Variants in SLC9A9 observed in about 807,000 individuals in gnomAD.
SLC9A9 encodes the protein sodium/hydrogen exchanger 9.
Under a neutral mutation model 77.8 loss-of-function variants are expected in SLC9A9, and 62 were observed. That is an observed-to-expected ratio of 0.80 (90% CI 0.65 to 0.98). The LOEUF (loss-of-function observed/expected upper bound fraction) is 0.98, where lower values mean the gene tolerates loss of function less well. Among genes scored for constraint, SLC9A9 ranks in the 50% least tolerant of loss-of-function variants. SLC9A9 has a pLI of 0.00. For synonymous variants in SLC9A9, 320 were observed against 283.5 expected (o/e 1.13, Z -1.29); for missense variants, 775 against 774.9 (o/e 1.00, Z 0.00).
chr3:143,736,424 C>T (rs73871643), intron 4 of SLC9A9, among the ~76,000 whole-genome samples: 1 of 152,146 alleles, frequency 6.6e-6, no homozygotes, highest in African/African-American at 2.4e-5. Flanking sequence ...ACATAGCAGT[C>T]ACTATTTTAG....
chr3:143,289,525 C>T (rs775112918), intron 14 of SLC9A9, among the ~76,000 whole-genome samples: 1 of 152,158 alleles, frequency 6.6e-6, no homozygotes, highest in Non-Finnish European at 1.5e-5. Context: ...TGCCCCCTGT[C>T]TCATTGAACA....
At chr3:143,344,525 T>C (rs543456425) in intron 14 of SLC9A9, 1 of 152,340 alleles carries the variant, frequency 6.6e-6, no homozygotes. Flanking sequence ...CAAAATTTTA[T>C]GATGAGAAAA....
In SLC9A9 at chr3:143,593,382, T is replaced by G. The variant is rs573409299; in HGVS notation, c.756-14659A>C. Among the ~76,000 whole-genome samples, 7 of 152,372 alleles carry G rather than the reference T, an allele frequency of 4.6e-5. No homozygotes were observed. The South Asian group carries it at 1.2e-3, about 27-fold the overall frequency. The stretch of plus-strand genomic sequence containing the variant: ...TAAGCTACCAGCTAGTGGGTACTGT[T>G]GTACTATACTCCCCAGGTGGAACCA... On this transcript the variant is annotated intron_variant, in intron 6 of 15. Coordinates refer to ENST00000316549, the MANE Select transcript of SLC9A9 (RefSeq NM_173653.4).
At chr3:143,457,067 G>A (rs1272512257) in intron 12 of SLC9A9, among the ~76,000 whole-genome samples, 1 of 152,082 alleles carries the variant, frequency 6.6e-6, no homozygotes, top group South Asian at 2.1e-4. Flanking sequence ...TGTTGCCAAG[G>A]CTGGAGTGCA....
At chr3:143,567,146 G>C (rs1468777647) in intron 8 of SLC9A9, among the ~76,000 whole-genome samples, 1 of 151,934 alleles carries the variant, frequency 6.6e-6, no homozygotes, top group East Asian at 1.9e-4. Flanking sequence ...AATTCCTTAG[G>C]GTCATGTATT....
intron 8 of SLC9A9, among the ~76,000 whole-genome samples, chr3:143,564,522 T>C (rs2037137216): frequency 6.6e-6 from 1 of 152,146 alleles, no homozygotes; most frequent in Non-Finnish European, 1.5e-5. Flanking sequence ...TATTTATTTT[T>C]GATCTAGTAA....
intron 9 of SLC9A9, among the ~76,000 whole-genome samples, chr3:143,522,045 AGTT>A (rs2036309321): frequency 1.3e-5 from 2 of 152,150 alleles, no homozygotes; most frequent in Non-Finnish European, 2.9e-5. Context: ...TGTTTTAGCC[AGTT>A]GTTCCAAGAA....
At chr3:143,339,533 C>CA (rs557906447) in intron 14 of SLC9A9, among the ~76,000 whole-genome samples, 1 of 149,106 alleles carries the variant, frequency 6.7e-6, no homozygotes, top group Non-Finnish European at 1.5e-5. Context: ...CATTCCCCCC[C>CA]TTCTACACTG....
chr3:143,304,063 G>A (rs1578277484), intron 14 of SLC9A9, among the ~76,000 whole-genome samples: 1 of 152,278 alleles, frequency 6.6e-6, no homozygotes, highest in African/African-American at 2.4e-5. Context: ...AGACCTTTGT[G>A]GGAAGATGGC....
chr3:143,821,748 A>G, intron 2 of SLC9A9, among the ~76,000 whole-genome samples: 1 of 152,238 alleles, frequency 6.6e-6, no homozygotes, highest in Non-Finnish European at 1.5e-5. Flanking sequence ...CAACAGGCTC[A>G]CAAAGTTGTT....
chr3:143,310,765 GT>G (rs2030989168), intron 14 of SLC9A9, among the ~76,000 whole-genome samples: 1 of 152,200 alleles, frequency 6.6e-6, no homozygotes, highest in Non-Finnish European at 1.5e-5. Flanking sequence ...AAAAGATTAT[GT>G]TTATGGGGCC....
At chr3:143,277,374 C>T (rs567281181) in intron 14 of SLC9A9, among the ~76,000 whole-genome samples, 9 of 152,308 alleles carry the variant, frequency 5.9e-5, no homozygotes, top group African/African-American at 2.2e-4. Flanking sequence ...AGCTAATATC[C>T]TTGGGCAGGA....
intron 11 of SLC9A9, among the ~76,000 whole-genome samples, chr3:143,467,824 C>T (rs1420869562): frequency 6.6e-6 from 1 of 152,100 alleles, no homozygotes; most frequent in Admixed American, 6.5e-5. Flanking sequence ...CTACTTCCCT[C>T]CCACATACTC....
At chr3:143,503,314 G>T in intron 9 of SLC9A9, 1 of 300,834 alleles carries the variant, frequency 3.3e-6, no homozygotes, top group South Asian at 3.0e-5. Flanking sequence ...CCACCCTGTT[G>T]CTGTAGCCAA....
chr3:143,728,131 T>C (rs560709358), intron 4 of SLC9A9, among the ~76,000 whole-genome samples: 1 of 152,342 alleles, frequency 6.6e-6, no homozygotes, highest in African/African-American at 2.4e-5. Context: ...ACAGCAACTA[T>C]TCTGGGTGAG....
chr3:143,324,637 C>G (rs1347103889), intron 14 of SLC9A9, among the ~76,000 whole-genome samples: 1 of 152,048 alleles, frequency 6.6e-6, no homozygotes, highest in African/African-American at 2.4e-5. Flanking sequence ...GCCTGGGCAA[C>G]ATGGCAAACC....
intron 4 of SLC9A9, among the ~76,000 whole-genome samples, chr3:143,737,677 A>G (rs1385050816): frequency 6.6e-6 from 1 of 152,196 alleles, no homozygotes; most frequent in Non-Finnish European, 1.5e-5. Flanking sequence ...ATCCTATACT[A>G]ATGTTTTATA....
intron 4 of SLC9A9, 137 bp from the exon 5 acceptor site, chr3:143,693,444 G>A (rs968110875): frequency 6.7e-5 from 49 of 728,980 alleles, no homozygotes; most frequent in African/African-American, 5.2e-4. Context: ...AATGACAGCC[G>A]TGCTAGGTCT....
At chr3:143,724,619 T>C (rs1934589693) in intron 4 of SLC9A9, among the ~76,000 whole-genome samples, 1 of 152,208 alleles carries the variant, frequency 6.6e-6, no homozygotes, top group Non-Finnish European at 1.5e-5. Flanking sequence ...CCAATTAACA[T>C]ATTTCTCAAA....
Sources: allele counts gnomAD v4.1 joint callset (sites outside exome capture counted in the v4.1 genomes callset), GRCh38; gene constraint gnomAD v4.1.1; transcripts MANE v1.5; gene names NCBI Gene and HGNC (gene_info 2026-07-23, HGNC 2026-07-21).